The following RFTN2 variants were observed in gnomAD, a reference collection of about 807,000 sequenced individuals.
RFTN2 encodes raftlin family member 2.
In RFTN2, 34 loss-of-function variants were observed where a neutral mutation model predicts 52.7. The observed-to-expected ratio is 0.64, with a 90% CI of 0.49 to 0.86. The LOEUF (loss-of-function observed/expected upper bound fraction) is 0.86, where lower values mean the gene tolerates loss of function less well. Among genes scored for constraint, RFTN2 ranks in the 40% least tolerant of loss-of-function variants. The pLI is 0.00. For missense variants in RFTN2, 536 were observed against 600.1 expected, an observed-to-expected ratio of 0.89 and a Z score of 1.12; for synonymous variants, 203 against 217.7, an observed-to-expected ratio of 0.93 and a Z score of 0.59.
At chr2:197,606,542 A>C (rs1315294861) in intron 7 of RFTN2, among the ~76,000 whole-genome samples, 5 of 152,124 alleles carry the variant, frequency 3.3e-5, no homozygotes, top group Non-Finnish European at 7.4e-5. Context: ...GTGAACAGGC[A>C]ACCTACAAAA....
chr2:197,639,380 C>T (rs1446136397), intron 3 of RFTN2, among the ~76,000 whole-genome samples: 27 of 152,064 alleles, frequency 1.8e-4, no homozygotes, highest in Non-Finnish European at 2.8e-4. Flanking sequence ...GGTACACCAG[C>T]CAGACGTAGA....
chr2:197,571,957 C>G lies in RFTN2; in HGVS notation c.*51G>C. The G allele has an allele frequency of 6.4e-7, 1 of 1,562,600 alleles. No homozygotes were observed. Among genetic ancestry groups the G allele is most frequent in the Non-Finnish European group, 8.8e-7 (1 of 1,136,460 alleles). Reference sequence around the variant, plus strand: ...AAAGTAATACAATAAGGTCAGTTGGCAATGATTTTAACAATTATTTACAGG... The same window carrying G: ...AAAGTAATACAATAAGGTCAGTTGGGAATGATTTTAACAATTATTTACAGG... On this transcript the variant is annotated 3_prime_UTR_variant, in exon 9 of 9. Transcript: ENST00000295049.
chr2:197,584,258 T>C (rs1474015487), intron 8 of RFTN2, among the ~76,000 whole-genome samples: 1 of 152,174 alleles, frequency 6.6e-6, no homozygotes, highest in Non-Finnish European at 1.5e-5. Flanking sequence ...TTAAAAGTGT[T>C]CCTATTTCTC....
At position 197,658,179 on chromosome 2, in the gene RFTN2, ATT is replaced by A. The variant is rs11357712; in HGVS notation, c.140-11515_140-11514del. Among the ~76,000 whole-genome samples, 361 of 145,190 alleles carry A rather than the reference ATT, an allele frequency of 2.5e-3. 1 individual carries two copies. Among genetic ancestry groups the A allele is most frequent in the African/African-American group, 6.4e-3 (251 of 39,412 alleles). On this transcript the variant is annotated intron_variant, in intron 1 of 8. Coordinates refer to ENST00000295049, the MANE Select transcript of RFTN2 (RefSeq NM_144629.3). ...TTGTCTAAGACTATTTTTAAAAAAT[ATT>A]TTTTTTTTTTTTAGAAAAAAAAAAT...
intron 8 of RFTN2, among the ~76,000 whole-genome samples, chr2:197,577,086 G>A (rs529444317): frequency 3.3e-4 from 51 of 152,254 alleles, no homozygotes; most frequent in African/African-American, 1.2e-3. Context: ...GAGTTGTCCC[G>A]CTTTTAGTCC....
chr2:197,609,509 T>C (rs181099505), intron 7 of RFTN2, among the ~76,000 whole-genome samples: 2 of 152,338 alleles, frequency 1.3e-5, no homozygotes, highest in East Asian at 1.9e-4. Context: ...TTTGTTTAAG[T>C]TCTTTGCAGA....
At chr2:197,653,083 C>T (rs1403689250) in intron 1 of RFTN2, among the ~76,000 whole-genome samples, 2 of 152,066 alleles carry the variant, frequency 1.3e-5, no homozygotes, top group African/African-American at 4.8e-5. Flanking sequence ...TACTATTTAC[C>T]TAATTATATT....
At chr2:197,593,637 C>T (rs2087750710) in intron 8 of RFTN2, among the ~76,000 whole-genome samples, 1 of 151,902 alleles carries the variant, frequency 6.6e-6, no homozygotes, top group South Asian at 2.1e-4. Context: ...ACCTGCAATC[C>T]CAGCACTGTG....
chr2:197,665,517 C>CTTTTTTTTTTTTTTTTTT, intron 1 of RFTN2, among the ~76,000 whole-genome samples: 754 of 39,932 alleles, frequency 0.019, 39 homozygotes, highest in African/African-American at 0.036. Flanking sequence ...TGTACCTTGC[C>CTTTTTTTTTTTTTTTTTT]TTTTTTTTTT....
At chr2:197,582,652 C>A (rs183722297) in intron 8 of RFTN2, among the ~76,000 whole-genome samples, 1 of 152,200 alleles carries the variant, frequency 6.6e-6, no homozygotes, top group Non-Finnish European at 1.5e-5. Context: ...TTTACACTGA[C>A]TCTAAATATG....
At chr2:197,624,597 C>CAAAAAAAAAAAAAAAAAAAA in intron 5 of RFTN2, among the ~76,000 whole-genome samples, 1 of 57,912 alleles carries the variant, frequency 1.7e-5, no homozygotes, top group Non-Finnish European at 3.0e-5. Context: ...GACTCTGTCT[C>CAAAAAAAAAAAAAAAAAAAA]AAAAAAAAAA....
chr2:197,583,695 T>C (rs994126900), intron 8 of RFTN2, among the ~76,000 whole-genome samples: 1 of 151,922 alleles, frequency 6.6e-6, no homozygotes, highest in African/African-American at 2.4e-5. Flanking sequence ...TTGTTACATA[T>C]GTATACATGT....
chr2:197,578,589 C>G (rs950518509), intron 8 of RFTN2, among the ~76,000 whole-genome samples: 3 of 152,142 alleles, frequency 2.0e-5, no homozygotes, highest in Non-Finnish European at 1.5e-5. Flanking sequence ...CAGCCCTGCC[C>G]GCCAGAGAAC....
chr2:197,632,914 T>A (rs2088490152), intron 4 of RFTN2, among the ~76,000 whole-genome samples: 1 of 152,232 alleles, frequency 6.6e-6, no homozygotes, highest in African/African-American at 2.4e-5. Flanking sequence ...TACCAGGCAC[T>A]GGGTCAAACA....
chr2:197,630,687 C>T (rs1340731433), intron 5 of RFTN2, among the ~76,000 whole-genome samples: 2 of 152,110 alleles, frequency 1.3e-5, no homozygotes, highest in Non-Finnish European at 2.9e-5. Flanking sequence ...CACGAAATGC[C>T]ATCATAAACC....
At chr2:197,623,394 A>G (rs1201935657) in intron 5 of RFTN2, among the ~76,000 whole-genome samples, 2 of 152,222 alleles carry the variant, frequency 1.3e-5, no homozygotes, top group African/African-American at 4.8e-5. Flanking sequence ...AAAAATGGAG[A>G]CTAAATTGCT....
chr2:197,581,209 AC>A (rs2087502692), intron 8 of RFTN2, among the ~76,000 whole-genome samples: 1 of 152,016 alleles, frequency 6.6e-6, no homozygotes, highest in South Asian at 2.1e-4. Flanking sequence ...CCCCCATTTT[AC>A]CTGTCCCAAA....
At chr2:197,616,349 T>C (rs1318845665) in intron 6 of RFTN2, among the ~76,000 whole-genome samples, 2 of 146,488 alleles carry the variant, frequency 1.4e-5, no homozygotes, top group Non-Finnish European at 3.0e-5. Flanking sequence ...TAGGGTGCAG[T>C]GGCACAGTCA....
At chr2:197,656,534 A>G (rs912054812) in intron 1 of RFTN2, among the ~76,000 whole-genome samples, 3 of 152,212 alleles carry the variant, frequency 2.0e-5, no homozygotes, top group African/African-American at 7.2e-5. Context: ...GCAAATAGAC[A>G]TCGGTGATTT....
Sources: gnomAD v4.1 joint callset for allele counts (sites outside exome capture counted in the v4.1 genomes callset) on GRCh38, gnomAD v4.1.1 for gene constraint, MANE v1.5 for transcripts, NCBI Gene and HGNC (gene_info 2026-07-23, HGNC 2026-07-21) for gene names.